The following CSMD1 variants were observed in gnomAD, a reference collection of about 807,000 sequenced individuals.
CSMD1 encodes the protein CUB and Sushi multiple domains 1.
In CSMD1, 213 loss-of-function variants were observed where a neutral mutation model predicts 417.5. The observed-to-expected ratio is 0.51, with a 90% CI of 0.46 to 0.57. CSMD1 has a LOEUF of 0.57. Ranked by LOEUF, CSMD1 falls within the 20% of genes least tolerant of loss-of-function variation. The probability of loss-of-function intolerance (pLI) is 0.00; values close to 1 mark genes in which losing one functional copy is unlikely to be tolerated. For synonymous variants in CSMD1, 2,862 were observed against 1,736.8 expected (o/e 1.65, Z -16.11); for missense variants, 6,923 against 4,529.7 (o/e 1.53, Z -15.17).
At chr8:4,530,464 A>G (rs1329736534) in intron 2 of CSMD1, among the ~76,000 whole-genome samples, 1 of 151,146 alleles carries the variant, frequency 6.6e-6, no homozygotes, top group Non-Finnish European at 1.5e-5. Context: ...CACATGCATT[A>G]GGTATTTGTC....
At chr8:3,868,422 T>TG (rs1250766949) in intron 5 of CSMD1, among the ~76,000 whole-genome samples, 11 of 152,110 alleles carry the variant, frequency 7.2e-5, no homozygotes, top group Admixed American at 2.6e-4. Flanking sequence ...CAAGGGCAGC[T>TG]GGGGGGCAGC....
At chr8:3,076,561 T>G (rs1255362736) in intron 49 of CSMD1, among the ~76,000 whole-genome samples, 1 of 152,208 alleles carries the variant, frequency 6.6e-6, no homozygotes, top group Non-Finnish European at 1.5e-5. Flanking sequence ...GGCTCTGCTA[T>G]GCCGGAGATG....
At chr8:4,085,319 C>T (rs1188787958) in intron 3 of CSMD1, among the ~76,000 whole-genome samples, 2 of 152,042 alleles carry the variant, frequency 1.3e-5, no homozygotes, top group Non-Finnish European at 2.9e-5. Flanking sequence ...AATGAAGCTT[C>T]TTGGAGTAAG....
intron 3 of CSMD1, among the ~76,000 whole-genome samples, chr8:4,272,310 T>C (rs753985076): frequency 6.6e-6 from 1 of 152,188 alleles, no homozygotes; most frequent in Non-Finnish European, 1.5e-5. Flanking sequence ...TCCTTGCCAA[T>C]GTCATAACAA....
intron 2 of CSMD1, among the ~76,000 whole-genome samples, chr8:4,466,672 G>C (rs4875348): frequency 0.075 from 11,484 of 152,148 alleles, 577 homozygotes; most frequent in Non-Finnish European, 0.09. Flanking sequence ...ATAACTCTGA[G>C]TTGGGATATG....
At chr8:3,768,239 C>A (rs925595047) in intron 5 of CSMD1, among the ~76,000 whole-genome samples, 1 of 152,096 alleles carries the variant, frequency 6.6e-6, no homozygotes, top group South Asian at 2.1e-4. Flanking sequence ...CCAATGGCAA[C>A]AAGGCGGAGA....
Position 3,049,564 on chromosome 8 carries a change from T to C in CSMD1, c.7660+2898A>G, listed in dbSNP as rs769301192. Among the ~76,000 whole-genome samples, 16 of 152,030 alleles carry C rather than the reference T, an allele frequency of 1.1e-4. No individual in the cohort carries two copies. In the South Asian group the frequency reaches 1.7e-3, roughly 16 times the overall value. ...GGAGATGAAAGATCAAGGTCAGTGT[T>C]TGTCAGGGGTTGGATGCAGGAAGGC... On this transcript the variant is annotated intron_variant, in intron 50 of 69. Transcript: ENST00000635120.
chr8:4,983,219 C>A (rs79370716), intron 1 of CSMD1, among the ~76,000 whole-genome samples: 3,594 of 152,306 alleles, frequency 0.024, 137 homozygotes, highest in African/African-American at 0.08. Flanking sequence ...GTACATGAGT[C>A]AATAAGCAGG....
At chr8:4,793,453 G>C (rs557488194) in intron 1 of CSMD1, among the ~76,000 whole-genome samples, 1 of 151,712 alleles carries the variant, frequency 6.6e-6, no homozygotes, top group Admixed American at 6.6e-5. Flanking sequence ...TTCTCCTCCA[G>C]CTCCATCCCC....
At chr8:4,032,132 A>T (rs370395424) in intron 3 of CSMD1, 33 bp from the exon 4 acceptor site, 5 of 1,547,652 alleles carry the variant, frequency 3.2e-6, no homozygotes, top group Admixed American at 1.8e-5. Flanking sequence ...GAGAAAAAAC[A>T]AGTTAAATTT....
At chr8:4,555,757 G>C (rs766785060) in intron 2 of CSMD1, among the ~76,000 whole-genome samples, 7 of 152,112 alleles carry the variant, frequency 4.6e-5, no homozygotes, top group Non-Finnish European at 8.8e-5. Flanking sequence ...TTCCATTTCA[G>C]TTAACAAATG....
chr8:4,155,047 G>C (rs1009962022), intron 3 of CSMD1, among the ~76,000 whole-genome samples: 13 of 152,314 alleles, frequency 8.5e-5, no homozygotes, highest in African/African-American at 2.9e-4. Flanking sequence ...CACTGCTGCA[G>C]AATTTGTCCT....
chr8:3,594,893 T>G lies in CSMD1; in HGVS notation c.1098-8633A>C, dbSNP rs11775765. ...CTGAGAGCCCTGCAATAAATACCTT[T>G]GGAACTAATGTGAGCAAAAACCAGG... On this transcript the variant is annotated intron_variant, in intron 8 of 69. Transcript: ENST00000635120. 2.6e-3 allele frequency among the ~76,000 whole-genome samples: 389 copies of G among 152,208 alleles called. 1 individual carries two copies. The highest frequency in any genetic ancestry group is 0.024 in the Middle Eastern group (7 of 294).
At chr8:4,159,595 T>A (rs1488021859) in intron 3 of CSMD1, among the ~76,000 whole-genome samples, 1 of 152,106 alleles carries the variant, frequency 6.6e-6, no homozygotes. Context: ...AGACCATTAT[T>A]ATTATTATTG....
intron 4 of CSMD1, among the ~76,000 whole-genome samples, chr8:4,030,789 T>G (rs1452322279): frequency 1.3e-5 from 2 of 152,178 alleles, no homozygotes; most frequent in East Asian, 3.9e-4. Context: ...ATGCTTTGCT[T>G]GCCTTATAAA....
At chr8:3,922,275 C>T (rs1429182853) in intron 5 of CSMD1, among the ~76,000 whole-genome samples, 1 of 151,928 alleles carries the variant, frequency 6.6e-6, no homozygotes, top group African/African-American at 2.4e-5. Context: ...CTCTTAAAAA[C>T]ATAGTGAGTT....
In CSMD1 at chr8:3,221,786, C is replaced by T. The variant is rs556545395; in HGVS notation, c.4484+1943G>A. Among the ~76,000 whole-genome samples the T allele has an allele frequency of 2.8e-4, 43 of 152,154 alleles. 1 individual carries two copies. Among genetic ancestry groups the T allele is most frequent in the Middle Eastern group, 3.4e-3 (1 of 294 alleles). On this transcript the variant is annotated intron_variant, in intron 28 of 69. Transcript: ENST00000635120. Reference sequence around the variant, plus strand: ...GTGTGAGCCCCACAATCCACAGGGACGTGTAATGGAACATCCTCTCTCATC... The same window carrying T: ...GTGTGAGCCCCACAATCCACAGGGATGTGTAATGGAACATCCTCTCTCATC...
intron 3 of CSMD1, among the ~76,000 whole-genome samples, chr8:4,366,439 A>G (rs1296954727): frequency 2.0e-5 from 3 of 152,136 alleles, no homozygotes; most frequent in Non-Finnish European, 4.4e-5. Flanking sequence ...CTTTTGGGTA[A>G]TCCCAAAGGT....
intron 10 of CSMD1, among the ~76,000 whole-genome samples, chr8:3,498,713 G>A (rs897685163): frequency 2.0e-5 from 3 of 151,866 alleles, no homozygotes; most frequent in Admixed American, 1.3e-4. Context: ...TTGTCTGACT[G>A]GCTTATTCCG....
Sources: allele counts gnomAD v4.1 joint callset (sites outside exome capture counted in the v4.1 genomes callset), GRCh38; gene constraint gnomAD v4.1.1; transcripts MANE v1.5; gene names NCBI Gene and HGNC (gene_info 2026-07-23, HGNC 2026-07-21).